HMCN1: variants seen among roughly 807,000 people sequenced by gnomAD.
HMCN1 encodes hemicentin-1.
In HMCN1, 321 loss-of-function variants were observed where a neutral mutation model predicts 625.9. That is an observed-to-expected ratio of 0.51 (90% confidence interval 0.47 to 0.56). The LOEUF is 0.56. Ranked by LOEUF, HMCN1 falls within the 20% of genes least tolerant of loss-of-function variation. The probability of loss-of-function intolerance (pLI) is 0.00; values close to 1 mark genes in which losing one functional copy is unlikely to be tolerated. For missense variants in HMCN1, 6,588 were observed against 6,887.3 expected (o/e 0.96, Z 1.54); for synonymous variants, 2,425 against 2,417.6 (o/e 1.00, Z -0.09).
At chr1:185,907,597 C>T (rs1378287555) in intron 4 of HMCN1, among the ~76,000 whole-genome samples, 2 of 152,032 alleles carry the variant, frequency 1.3e-5, no homozygotes, top group Non-Finnish European at 2.9e-5. Context: ...ATTCTCTCTT[C>T]TGTCTGGTTT....
At chr1:186,099,199 A>T (rs1660279217) in intron 68 of HMCN1, among the ~76,000 whole-genome samples, 1 of 152,128 alleles carries the variant, frequency 6.6e-6, no homozygotes, top group Non-Finnish European at 1.5e-5. Context: ...GTTTGAAGTG[A>T]TGGAAATGCT....
At chr1:186,152,898 G>A (rs1650764520) in intron 96 of HMCN1, 27 bp downstream of exon 96, 1 of 1,612,644 alleles carries the variant, frequency 6.2e-7, no homozygotes. Flanking sequence ...ACTTGTCTTT[G>A]CTGCTTATTA....
At chr1:186,091,522 T>A (rs1041039776) in intron 64 of HMCN1, among the ~76,000 whole-genome samples, 1 of 152,036 alleles carries the variant, frequency 6.6e-6, no homozygotes, top group Non-Finnish European at 1.5e-5. Flanking sequence ...GATGCAATAA[T>A]GTCATAACTC....
At chr1:185,892,855 G>A (rs1407931605) in intron 4 of HMCN1, among the ~76,000 whole-genome samples, 1 of 152,200 alleles carries the variant, frequency 6.6e-6, no homozygotes, top group Admixed American at 6.5e-5. Context: ...CGAGCTTCCA[G>A]GCTGCTTTGT....
At chr1:186,007,528 G>T (rs1157577237) in intron 30 of HMCN1, among the ~76,000 whole-genome samples, 1 of 152,110 alleles carries the variant, frequency 6.6e-6, no homozygotes, top group Non-Finnish European at 1.5e-5. Context: ...CTCACTTAGA[G>T]AGAGCAAGAA....
intron 69 of HMCN1, among the ~76,000 whole-genome samples, chr1:186,104,912 G>T (rs1011679226): frequency 7.2e-5 from 11 of 152,146 alleles, no homozygotes; most frequent in African/African-American, 2.7e-4. Context: ...AAAAGAATTT[G>T]TGACATTAGG....
At chr1:186,077,489 C>T (rs1229247971) in intron 54 of HMCN1, among the ~76,000 whole-genome samples, 1 of 151,908 alleles carries the variant, frequency 6.6e-6, no homozygotes, top group East Asian at 1.9e-4. Context: ...TGAAAGGGCA[C>T]CATGTCTCCA....
In HMCN1 at chr1:186,151,591, C is replaced by CT. The variant is rs756561243; in HGVS notation, c.14759-7dup. ...AAATTTTGCTATCACCTTATTTATC[C>CT]TTTTTTTTCTTTAGGTTCAGCAATG... is the stretch of plus-strand genomic sequence containing the variant. On this transcript the variant is annotated splice_polypyrimidine_tract_variant and intron_variant, in intron 94 of 106. Coordinates refer to ENST00000271588, the MANE Select transcript of HMCN1 (RefSeq NM_031935.3). 3.0e-4 allele frequency: 481 copies of CT among 1,606,538 alleles called. 1 individual carries two copies. The highest frequency in any genetic ancestry group is 1.0e-3 in the Admixed American group (62 of 59,494).
At chr1:185,838,660 A>T (rs1341264876) in intron 1 of HMCN1, among the ~76,000 whole-genome samples, 1 of 152,184 alleles carries the variant, frequency 6.6e-6, no homozygotes, top group Non-Finnish European at 1.5e-5. Context: ...AAAGAAAAAA[A>T]ATATTTCCCT....
chr1:186,045,371 T>C (rs1347389903), intron 40 of HMCN1, among the ~76,000 whole-genome samples: 7 of 152,214 alleles, frequency 4.6e-5, no homozygotes, highest in Non-Finnish European at 4.4e-5. Context: ...AAATATTTCA[T>C]GAGTGATTTG....
At chr1:185,879,344 A>T (rs1057353385) in intron 4 of HMCN1, among the ~76,000 whole-genome samples, 3 of 151,316 alleles carry the variant, frequency 2.0e-5, no homozygotes, top group East Asian at 3.9e-4. Flanking sequence ...CTAATTTTTG[A>T]TTTTTTTTGT....
chr1:185,922,337 C>T (rs1425066389), intron 6 of HMCN1, 42 bp from the exon 7 acceptor site: 1 of 1,610,726 alleles, frequency 6.2e-7, no homozygotes, highest in Non-Finnish European at 8.5e-7. Flanking sequence ...GACCAGCATA[C>T]TGGATCAACT....
rs146556494 is a variant in HMCN1, at chr1:185,808,037, A to G, written c.269-37989A>G. On this transcript the variant is annotated intron_variant, in intron 1 of 106. Coordinates refer to ENST00000271588, the MANE Select transcript of HMCN1 (RefSeq NM_031935.3). ...TAAAAGTCACACTAGCCTAGGCAATATAGTGGGACCCCTGTCTCTATAAAA... is the reference window on the plus strand; with the variant it reads ...TAAAAGTCACACTAGCCTAGGCAATGTAGTGGGACCCCTGTCTCTATAAAA... 5.8e-4 allele frequency among the ~76,000 whole-genome samples: 89 copies of G among 152,220 alleles called. No homozygotes were observed. In the Middle Eastern group the frequency reaches 0.01, roughly 17 times the overall value.
chr1:185,784,300 C>T (rs980116491), intron 1 of HMCN1, among the ~76,000 whole-genome samples: 7 of 152,170 alleles, frequency 4.6e-5, no homozygotes, highest in East Asian at 1.9e-4. Flanking sequence ...TTGCACTTCC[C>T]GGGTGAGGCA....
intron 19 of HMCN1, 73 bp from the exon 20 acceptor site, chr1:185,987,359 T>C: frequency 1.1e-6 from 1 of 904,678 alleles, no homozygotes; most frequent in Non-Finnish European, 1.9e-6. Context: ...GTAATGAAAA[T>C]GTTCAACTTT....
chr1:186,187,458 AAGGATCACTCACATTTTAAGG>A (rs1387833005), intron 105 of HMCN1, among the ~76,000 whole-genome samples: 1 of 152,178 alleles, frequency 6.6e-6, no homozygotes, highest in Non-Finnish European at 1.5e-5. Flanking sequence ...AACACTCAGC[AAGGATCACTCACATTTTAAGG>A]AGATTCTTCA....
chr1:186,162,323 AT>A (rs200936247), intron 97 of HMCN1, among the ~76,000 whole-genome samples: 6 of 150,634 alleles, frequency 4.0e-5, no homozygotes, highest in East Asian at 3.9e-4. Flanking sequence ...ATTCATCTAC[AT>A]TTTTTTTCAA....
intron 96 of HMCN1, among the ~76,000 whole-genome samples, chr1:186,153,355 A>G (rs1423052369): frequency 6.6e-6 from 1 of 152,182 alleles, no homozygotes; most frequent in African/African-American, 2.4e-5. Flanking sequence ...TACAATTATT[A>G]TACAAGTTTT....
At position 186,065,360 on chromosome 1, in the gene HMCN1, G is replaced by A; in HGVS notation, c.7636G>A (p.Gly2546Arg). Residue 2546 changes from glycine (G) to arginine (R), a missense_variant, in exon 49 of 107, where the codon GGA (glycine) becomes AGA (arginine). Transcript: ENST00000271588. Reference protein sequence around the residue: ...QITNVQVPHTGRYTCLASSPA... With the variant: ...QITNVQVPHTRRYTCLASSPA... ...TACCAATGTCCAGGTGCCACACACT[G>A]GAAGATATACATGTTTGGCTTCCAG... The A allele has an allele frequency of 6.2e-7, 1 of 1,612,144 alleles. No individual in the cohort carries two copies. Among genetic ancestry groups the A allele is most frequent in the East Asian group, 2.2e-5 (1 of 44,748 alleles).
Sources: gnomAD v4.1 joint callset for allele counts (sites outside exome capture counted in the v4.1 genomes callset) on GRCh38, gnomAD v4.1.1 for gene constraint, MANE v1.5 for transcripts, NCBI Gene and HGNC (gene_info 2026-07-23, HGNC 2026-07-21) for gene names.